The following MCM5 variants were observed in gnomAD, a reference collection of about 807,000 sequenced individuals.
MCM5 encodes DNA replication licensing factor MCM5.
Under a neutral mutation model 79.9 loss-of-function variants are expected in MCM5, and 46 were observed. That is an observed-to-expected ratio of 0.58 (90% CI 0.45 to 0.74). The LOEUF (loss-of-function observed/expected upper bound fraction) is 0.74. Among genes scored for constraint, MCM5 ranks in the 30% least tolerant of loss-of-function variants. MCM5 has a pLI of 0.00. For synonymous variants in MCM5, 404 were observed against 390.5 expected (o/e 1.03, Z -0.41); for missense variants, 883 against 1,017.0 (o/e 0.87, Z 1.79).
At chr22:35,418,743 C>A (rs1199495347) in intron 13 of MCM5, among the ~76,000 whole-genome samples, 1 of 152,084 alleles carries the variant, frequency 6.6e-6, no homozygotes, top group African/African-American at 2.4e-5. Context: ...TTGTGCCAGG[C>A]ATTCTGAATT....
At chr22:35,438,512 T>TCC in the MCM5 span, among the ~76,000 whole-genome samples, 43 of 22,684 alleles carry the variant, frequency 1.9e-3, 1 homozygote, top group African/African-American at 5.9e-3. Context: ...TCCATCCATC[T>TCC]ATGCATCCAT....
chr22:35,412,539 CAGG>C lies in MCM5; in HGVS notation c.961_963del (p.Glu321del), dbSNP rs759264341. 20 of 1,574,726 alleles carry C rather than the reference CAGG, an allele frequency of 1.3e-5. No homozygotes were observed. Among genetic ancestry groups the C allele is most frequent in the Admixed American group, 3.6e-5 (2 of 55,732 alleles). On this transcript the variant is annotated inframe_deletion, in exon 8 of 17. Transcript: ENST00000216122. ...CAGCTTTGCTGGGGCCGTGAGCCCC[CAGG>C]AGGAGGAGGAGTTCCGTCGCCTGGC...
chr22:35,410,575 A>C (rs1932349560), intron 6 of MCM5, 169 bp from the exon 7 acceptor site: 1 of 665,330 alleles, frequency 1.5e-6, no homozygotes, highest in African/African-American at 1.8e-5. Flanking sequence ...TGACGTGGGG[A>C]GAGAGGCCGT....
downstream of MCM5, among the ~76,000 whole-genome samples, chr22:35,427,691 T>TC (rs1569072645): frequency 1.3e-5 from 2 of 152,028 alleles, no homozygotes; most frequent in East Asian, 1.9e-4. Flanking sequence ...ATGTTATCCC[T>TC]CCCTAGCCCC....
At chr22:35,427,952 A>G (rs1424300735), downstream of MCM5, among the ~76,000 whole-genome samples, 1 of 151,470 alleles carries the variant, frequency 6.6e-6, no homozygotes, top group Non-Finnish European at 1.5e-5. Flanking sequence ...AGGCAGGAGA[A>G]TCACTTGAGG....
chr22:35,423,206 G>A lies in MCM5; in HGVS notation c.1976-8G>A, dbSNP rs1569071291. ...CTCCCCGGCTGCCTCACTTCTCCAT[G>A]CCCACAGGGGTGGAGGGCTTCACCA... On this transcript the variant is annotated splice_polypyrimidine_tract_variant and splice_region_variant and intron_variant, in intron 15 of 16. Coordinates refer to ENST00000216122, the MANE Select transcript of MCM5 (RefSeq NM_006739.4). 1.3e-6 allele frequency: 2 copies of A among 1,554,702 alleles called. No individual in the cohort carries two copies. The highest frequency in any genetic ancestry group is 1.8e-4 in the Middle Eastern group (1 of 5,660).
chr22:35,445,258 A>C, the MCM5 span, among the ~76,000 whole-genome samples: 7 of 151,828 alleles, frequency 4.6e-5, no homozygotes, highest in Middle Eastern at 0.024. Flanking sequence ...GGCATGTTTC[A>C]GAATCCTAAT....
chr22:35,431,015 C>T, the MCM5 span, among the ~76,000 whole-genome samples: 3 of 152,160 alleles, frequency 2.0e-5, no homozygotes, highest in Non-Finnish European at 4.4e-5. Flanking sequence ...GCACCAGGCC[C>T]GGGGCTGCAG....
chr22:35,427,758 ATTTAT>A (rs1276055098), downstream of MCM5, among the ~76,000 whole-genome samples: 2 of 151,380 alleles, frequency 1.3e-5, no homozygotes, highest in Non-Finnish European at 2.9e-5. Flanking sequence ...CAAGGTAGAT[ATTTAT>A]TTTAAGACAT....
At chr22:35,429,047 A>G (rs1436340415), downstream of MCM5, among the ~76,000 whole-genome samples, 1 of 126,034 alleles carries the variant, frequency 7.9e-6, no homozygotes, top group Non-Finnish European at 1.5e-5. Flanking sequence ...GTGTAGTATC[A>G]TGATCTCAGC....
intron 7 of MCM5, among the ~76,000 whole-genome samples, chr22:35,411,916 C>T (rs4645781): frequency 6.0e-4 from 92 of 152,294 alleles, no homozygotes; most frequent in African/African-American, 2.0e-3. Context: ...CAGACTGGCT[C>T]CTCTCAGTCT....
chr22:35,454,430 G>A, the MCM5 span, among the ~76,000 whole-genome samples: 4 of 152,104 alleles, frequency 2.6e-5, no homozygotes, highest in Admixed American at 6.5e-5. Flanking sequence ...TGCAGCAGGC[G>A]GGGGCAGTAG....
intron 5 of MCM5, among the ~76,000 whole-genome samples, chr22:35,407,814 A>G (rs1000912611): frequency 1.3e-5 from 2 of 152,174 alleles, no homozygotes; most frequent in Non-Finnish European, 2.9e-5. Context: ...GTTTGCTTGT[A>G]TGTCTTTTCA....
chr22:35,412,766 G>A (rs1932424795), intron 8 of MCM5, 85 bp downstream of exon 8: 11 of 1,184,480 alleles, frequency 9.3e-6, no homozygotes, highest in Non-Finnish European at 1.2e-5. Context: ...TCAGGACTGG[G>A]CACTCTTTTT....
At position 35,419,989 on chromosome 22, in the gene MCM5, C is replaced by T; in HGVS notation, c.1809C>T (p.Arg603=). 3 of 1,612,284 alleles carry T rather than the reference C, an allele frequency of 1.9e-6. No individual in the cohort carries two copies. The highest frequency in any genetic ancestry group is 2.5e-6 in the Non-Finnish European group (3 of 1,179,046). Residue 603 remains arginine, a synonymous_variant, in exon 14 of 17, where the codon CGC becomes CGT. Coordinates refer to ENST00000216122, the MANE Select transcript of MCM5 (RefSeq NM_006739.4). ...AGCACGAGAGGGACAGTGACCGCCG[C>T]TCCAGCATCCCCATCACTGTGCGGT... ...ARQHERDSDR[R]SSIPITVRQL... is the part of the protein sequence containing the mutation.
chr22:35,453,690 G>GGA, the MCM5 span, among the ~76,000 whole-genome samples: 185 of 149,680 alleles, frequency 1.2e-3, no homozygotes, highest in African/African-American at 4.1e-3. Context: ...AGAAAGACAG[G>GGA]GAGAGAGAGA....
chr22:35,434,304 C>CT, the MCM5 span, among the ~76,000 whole-genome samples: 13 of 151,910 alleles, frequency 8.6e-5, no homozygotes, highest in Non-Finnish European at 1.8e-4. Context: ...GAATGGATTC[C>CT]GTTGTCTGTC....
the MCM5 span, among the ~76,000 whole-genome samples, chr22:35,449,496 C>A: frequency 2.0e-5 from 3 of 152,136 alleles, no homozygotes; most frequent in South Asian, 6.2e-4. Flanking sequence ...CCAGCTGTGG[C>A]CTCTCTGCCC....
Position 35,401,254 on chromosome 22 carries a change from C to T in MCM5, c.167+649C>T, listed in dbSNP as rs560649770. 118 of 384,764 alleles carry T rather than the reference C, an allele frequency of 3.1e-4. 1 individual carries two copies. Among genetic ancestry groups the T allele is most frequent in the South Asian group, 2.2e-3 (117 of 52,750 alleles). 23.8% of individuals were successfully genotyped at this position (384,764 alleles called of 1,614,324 possible). A position where few individuals can be genotyped will look rare whatever the true frequency, so the allele number is the denominator to read the frequency against. On this transcript the variant is annotated intron_variant, in intron 2 of 16. Transcript: ENST00000216122. ...GATCTTGTTCCTGTTCATCTGCTTC[C>T]TATCATCCTTCCATGTCATGTCTGA... is the stretch of plus-strand genomic sequence containing the variant.
Sources: allele counts gnomAD v4.1 joint callset (sites outside exome capture counted in the v4.1 genomes callset), GRCh38; gene constraint gnomAD v4.1.1; transcripts MANE v1.5; gene names NCBI Gene and HGNC (gene_info 2026-07-23, HGNC 2026-07-21).